Variants in RAB39B observed in about 807,000 individuals in gnomAD.
The protein encoded by RAB39B is ras-related protein Rab-39B.
For missense variants in RAB39B, 68 were observed against 171.3 expected, an observed-to-expected ratio of 0.40 and a Z score of 3.37; for synonymous variants, 63 against 67.5, an observed-to-expected ratio of 0.93 and a Z score of 0.33.
At position 155,260,610 on chromosome X, in the gene RAB39B, A is replaced by G. The variant is rs1202289115; in HGVS notation, c.*193T>C. 1.1e-5 allele frequency: 5 copies of G among 474,137 alleles called. No individual in the cohort carries two copies. The Admixed American group carries it at 1.3e-4, about 12-fold the overall frequency. The allele number at this position is 474,137 out of a possible 1,213,427, so 39.1% of individuals were successfully genotyped here. On this transcript the variant is annotated 3_prime_UTR_variant, in exon 2 of 2. Coordinates refer to ENST00000369454, the MANE Select transcript of RAB39B (RefSeq NM_171998.4). ...GTGCCTGGCCTGGCCCATGTCAGCAATTCAGTCCCTTGGTCACAGCACTCA... is the reference window on the plus strand; with the variant it reads ...GTGCCTGGCCTGGCCCATGTCAGCAGTTCAGTCCCTTGGTCACAGCACTCA...
At position 155,258,264 on chromosome X, in the gene RAB39B, A is replaced by C. The variant is rs2074840763; in HGVS notation, c.*2539T>G. The C allele has an allele frequency of 8.9e-6, 1 of 112,131 alleles. No homozygotes were observed. The highest frequency in any genetic ancestry group is 1.9e-5 in the Non-Finnish European group (1 of 53,203). The allele number at this position is 112,131 out of a possible 1,213,427, so 9.2% of individuals were successfully genotyped here. A position where few individuals can be genotyped will look rare whatever the true frequency, so the allele number is the denominator to read the frequency against. On this transcript the variant is annotated 3_prime_UTR_variant, in exon 2 of 2. Transcript: ENST00000369454. ...AGTCACATAATCAATCATTTTACTAAATACAAGCATATTTTCATTCACATA... is the reference window on the plus strand; with the variant it reads ...AGTCACATAATCAATCATTTTACTACATACAAGCATATTTTCATTCACATA...
In RAB39B at chrX:155,264,063, T is replaced by C; in HGVS notation, c.215+11A>G. The C allele has an allele frequency of 8.3e-7, 1 of 1,207,035 alleles. No individual in the cohort carries two copies. Among genetic ancestry groups the C allele is most frequent in the African/African-American group, 1.7e-5 (1 of 57,704 alleles). ...CCTCCCACTGCTTGCGGGCCCGGAC[T>C]GCGCTCCCACCTGAACCTCTCTTGA... is the stretch of plus-strand genomic sequence containing the variant. On this transcript the variant is annotated intron_variant, in intron 1 of 1. Coordinates refer to ENST00000369454, the MANE Select transcript of RAB39B (RefSeq NM_171998.4).
At position 155,260,529 on chromosome X, in the gene RAB39B, A is replaced by G. The variant is rs1422487301; in HGVS notation, c.*274T>C. 5.2e-6 allele frequency: 2 copies of G among 382,290 alleles called. No homozygotes were observed. Among genetic ancestry groups the G allele is most frequent in the African/African-American group, 5.1e-5 (2 of 39,400 alleles). 31.5% of individuals were successfully genotyped at this position (382,290 alleles called of 1,213,427 possible). A position where few individuals can be genotyped will look rare whatever the true frequency, so the allele number is the denominator to read the frequency against. On this transcript the variant is annotated 3_prime_UTR_variant, in exon 2 of 2. Coordinates refer to ENST00000369454, the MANE Select transcript of RAB39B (RefSeq NM_171998.4). ...GCTTCCTAAACCCCAGGCCTTTAAC[A>G]TGTGGTCCACAAAGGGCTCATGGAG...
chrX:155,264,423 T>G lies in RAB39B; in HGVS notation c.-135A>C. The G allele has an allele frequency of 1.7e-6, 1 of 571,569 alleles. No individual in the cohort carries two copies. The highest frequency in any genetic ancestry group is 2.8e-6 in the Non-Finnish European group (1 of 354,098). 47.1% of individuals were successfully genotyped at this position (571,569 alleles called of 1,213,427 possible). On this transcript the variant is annotated 5_prime_UTR_variant, in exon 1 of 2. Coordinates refer to ENST00000369454, the MANE Select transcript of RAB39B (RefSeq NM_171998.4). ...CATCGCTGGCCTGGGAGCCCGAAGC[T>G]GGGTAGGCCCAGGCGCCGGGAGAGC...
chrX:155,263,355 T>A (rs2074859294), intron 1 of RAB39B, among the ~76,000 whole-genome samples: 1 of 112,896 alleles, frequency 8.9e-6, no homozygotes, highest in Non-Finnish European at 1.9e-5. Context: ...TTGATTGAAA[T>A]TAAGCATGTT....
intron 1 of RAB39B, among the ~76,000 whole-genome samples, chrX:155,261,809 T>A (rs2074854767): frequency 9.0e-6 from 1 of 110,704 alleles, no homozygotes; most frequent in South Asian, 3.7e-4. Flanking sequence ...CATTACCATG[T>A]TTTTTTCTCT....
chrX:155,262,264 A>G (rs893468330), intron 1 of RAB39B, among the ~76,000 whole-genome samples: 2 of 112,131 alleles, frequency 1.8e-5, no homozygotes, highest in Non-Finnish European at 3.8e-5. Flanking sequence ...GCTTAGAGAA[A>G]ATGGCTCAAT....
At position 155,258,703 on chromosome X, in the gene RAB39B, G is replaced by A. The variant is rs1057515827; in HGVS notation, c.*2100C>T. ...TAAATTTTAGTGAAGAAAATTGTAG[G>A]GAAGTTTTGTTTCTTTCCTTTTTTG... On this transcript the variant is annotated 3_prime_UTR_variant, in exon 2 of 2. Coordinates refer to ENST00000369454, the MANE Select transcript of RAB39B (RefSeq NM_171998.4). 8.9e-6 allele frequency: 1 copy of A among 112,362 alleles called. No homozygotes were observed. Among genetic ancestry groups the A allele is most frequent in the Admixed American group, 9.4e-5 (1 of 10,614 alleles). The allele number at this position is 112,362 out of a possible 1,213,427, so 9.3% of individuals were successfully genotyped here. A position where few individuals can be genotyped will look rare whatever the true frequency, so the allele number is the denominator to read the frequency against.
In RAB39B at chrX:155,264,392, C is replaced by G; in HGVS notation, c.-104G>C. The G allele has an allele frequency of 6.4e-6, 5 of 785,723 alleles. No homozygotes were observed. The highest frequency in any genetic ancestry group is 4.5e-5 in the South Asian group (2 of 44,171). The allele number at this position is 785,723 out of a possible 1,213,427, so 64.8% of individuals were successfully genotyped here. ...GGCTCGGCAGGATCTAGCTCAGCCG[C>G]GAGCGCATCGCTGGCCTGGGAGCCC... On this transcript the variant is annotated 5_prime_UTR_variant, in exon 1 of 2. Transcript: ENST00000369454.
chrX:155,261,957 G>A (rs1156524900), intron 1 of RAB39B, among the ~76,000 whole-genome samples: 3 of 110,631 alleles, frequency 2.7e-5, no homozygotes, highest in African/African-American at 6.6e-5. Flanking sequence ...GAGAGATGGC[G>A]AAGGGTTCAG....
In RAB39B at chrX:155,259,467, CA is replaced by C. The variant is rs1209985459; in HGVS notation, c.*1335del. The C allele has an allele frequency of 9.0e-6, 1 of 111,521 alleles. No homozygotes were observed. Among genetic ancestry groups the C allele is most frequent in the Non-Finnish European group, 1.9e-5 (1 of 53,149 alleles). 9.2% of individuals were successfully genotyped at this position (111,521 alleles called of 1,213,427 possible). On this transcript the variant is annotated 3_prime_UTR_variant, in exon 2 of 2. Transcript: ENST00000369454. ...CCGCATTGCTGTACGTGGTTCCTTT[CA>C]ATAAAAATCCACTGTGTCTCAGTGA...
rs1304776863 is a variant in RAB39B, at chrX:155,259,388, G to A, written c.*1415C>T. The A allele has an allele frequency of 9.0e-6, 1 of 111,635 alleles. No individual in the cohort carries two copies. The highest frequency in any genetic ancestry group is 1.9e-5 in the Non-Finnish European group (1 of 53,160). 9.2% of individuals were successfully genotyped at this position (111,635 alleles called of 1,213,427 possible). A position where few individuals can be genotyped will look rare whatever the true frequency, so the allele number is the denominator to read the frequency against. ...AGACAGGAACTCAGTGTACGTATAT[G>A]GCAGACAGGTGGCCAAGGTCATTTT... is the stretch of plus-strand genomic sequence containing the variant. On this transcript the variant is annotated 3_prime_UTR_variant, in exon 2 of 2. Coordinates refer to ENST00000369454, the MANE Select transcript of RAB39B (RefSeq NM_171998.4).
intron 1 of RAB39B, 82 bp downstream of exon 1, chrX:155,263,992 A>G: frequency 1.1e-6 from 1 of 942,113 alleles, no homozygotes; most frequent in Non-Finnish European, 1.5e-6. Context: ...CCGCACCTAG[A>G]ACCAGGAAGT....
rs1057515836 is a variant in RAB39B at position 155,261,172 on chromosome X, A to G, written c.273T>C (p.Ile91=). ...NSVGGLLLFD[I]TNRRSFQNVH... is the part of the protein sequence containing the mutation. ...CATTCTGGAAGGACCTGCGGTTGGT[A>G]ATGTCAAATAAGAGAAGACCACCTA... The change falls in exon 2 of 2, where the codon ATT becomes ATC. Residue 91 remains isoleucine, a synonymous_variant. Transcript: ENST00000369454. 8.3e-7 allele frequency: 1 copy of G among 1,209,458 alleles called. No homozygotes were observed. The highest frequency in any genetic ancestry group is 1.1e-6 in the Non-Finnish European group (1 of 894,160).
intron 1 of RAB39B, among the ~76,000 whole-genome samples, chrX:155,262,431 G>A (rs1217488469): frequency 3.6e-5 from 4 of 112,217 alleles, no homozygotes; most frequent in Non-Finnish European, 7.5e-5. Flanking sequence ...CATGGAGAAT[G>A]GTAGATTTAC....
intron 1 of RAB39B, among the ~76,000 whole-genome samples, chrX:155,262,925 G>T (rs1424840561): frequency 9.8e-5 from 11 of 112,191 alleles, no homozygotes; most frequent in African/African-American, 3.6e-4. Context: ...GTGGAAGTGG[G>T]GAGCTGGAGG....
At chrX:155,261,308 T>C (rs781812353) in intron 1 of RAB39B, 79 bp from the exon 2 acceptor site, 13 of 765,300 alleles carry the variant, frequency 1.7e-5, no homozygotes, top group African/African-American at 1.7e-4. Context: ...TATTCAAGTG[T>C]TCCTGGTTAG....
At chrX:155,263,833 AG>A (rs1292084003) in intron 1 of RAB39B, among the ~76,000 whole-genome samples, 3 of 112,062 alleles carry the variant, frequency 2.7e-5, no homozygotes, top group Non-Finnish European at 5.6e-5. Context: ...TAGCCACCAA[AG>A]GGCAGGTTGG....
In RAB39B at chrX:155,261,132, C is replaced by T. The variant is rs1217915838; in HGVS notation, c.313G>A (p.Glu105Lys). The T allele has an allele frequency of 4.1e-6, 5 of 1,208,715 alleles. No homozygotes were observed. In the East Asian group the frequency reaches 1.5e-4, roughly 36 times the overall value. ...RSFQNVHEWL[E>K]ETKVHVQPYQ... ...GGCTGAACGTGTACTTTGGTCTCTT[C>T]TAACCACTCATGGACATTCTGGAAG... Residue 105 changes from glutamate to lysine, a missense_variant, in exon 2 of 2, where the codon GAA (glutamate) becomes AAA (lysine). Physicochemically the swap from Glu to Lys is moderately conservative, Grantham distance 56 (BLOSUM62 1). Transcript: ENST00000369454.
Sources: allele counts gnomAD v4.1 joint callset (sites outside exome capture counted in the v4.1 genomes callset), GRCh38; gene constraint gnomAD v4.1.1; transcripts MANE v1.5; gene names NCBI Gene and HGNC (gene_info 2026-07-23, HGNC 2026-07-21).